The following ROBO2 variants were observed in gnomAD, a reference collection of about 807,000 sequenced individuals.
ROBO2 encodes roundabout guidance receptor 2.
ROBO2 carries 53 observed loss-of-function variants against 160.8 expected under a neutral mutation model. The observed-to-expected ratio is 0.33, with a 90% CI of 0.26 to 0.41. ROBO2 has a LOEUF of 0.41. Ranked by LOEUF, ROBO2 falls within the 10% of genes least tolerant of loss-of-function variation. The probability of loss-of-function intolerance (pLI) is 1.00; values close to 1 mark genes in which losing one functional copy is unlikely to be tolerated. For synonymous variants in ROBO2, 664 were observed against 611.7 expected (o/e 1.09, Z -1.26); for missense variants, 1,577 against 1,722.4 (o/e 0.92, Z 1.49).
At chr3:76,935,619 T>C (rs1352007380) in intron 2 of ROBO2, among the ~76,000 whole-genome samples, 7 of 152,274 alleles carry the variant, frequency 4.6e-5, no homozygotes, top group Non-Finnish European at 8.8e-5. Context: ...TTCTAGAGGC[T>C]GAGAAGTCCA....
intron 2 of ROBO2, among the ~76,000 whole-genome samples, chr3:76,157,856 G>C (rs1465802071): frequency 6.6e-6 from 1 of 151,982 alleles, no homozygotes; most frequent in Non-Finnish European, 1.5e-5. Context: ...CTCTCAAAAG[G>C]CATTTCACTG....
intron 1 of ROBO2, among the ~76,000 whole-genome samples, chr3:75,934,374 G>C (rs1180175607): frequency 6.6e-6 from 1 of 152,164 alleles, no homozygotes; most frequent in Admixed American, 6.5e-5. Flanking sequence ...TCATATGCAC[G>C]AAAAGGGTGT....
chr3:77,446,994 A>T (rs2080596510), intron 2 of ROBO2, among the ~76,000 whole-genome samples: 1 of 152,132 alleles, frequency 6.6e-6, no homozygotes, highest in South Asian at 2.1e-4. Flanking sequence ...AGTTTGGGGA[A>T]ATGAGAAAAT....
intron 2 of ROBO2, among the ~76,000 whole-genome samples, chr3:76,450,454 G>T (rs895249673): frequency 4.6e-5 from 7 of 151,744 alleles, no homozygotes; most frequent in African/African-American, 1.7e-4. Context: ...TTTAAATCTG[G>T]CAGAAAAAAA....
At chr3:76,023,361 T>C (rs1359780865) in intron 2 of ROBO2, among the ~76,000 whole-genome samples, 1 of 151,684 alleles carries the variant, frequency 6.6e-6, no homozygotes, top group East Asian at 1.9e-4. Flanking sequence ...CTTCATTAAG[T>C]TTAATCATTT....
chr3:76,231,166 C>T (rs146981261), intron 2 of ROBO2, among the ~76,000 whole-genome samples: 3 of 152,296 alleles, frequency 2.0e-5, no homozygotes, highest in East Asian at 1.9e-4. Flanking sequence ...GATGTTAATA[C>T]ACACCCATGC....
intron 2 of ROBO2, among the ~76,000 whole-genome samples, chr3:77,344,320 G>T (rs1466897301): frequency 6.6e-6 from 1 of 152,146 alleles, no homozygotes; most frequent in East Asian, 1.9e-4. Flanking sequence ...AAGAGGAAAA[G>T]TGGGAGGATG....
At chr3:76,207,515 A>G (rs1477973929) in intron 2 of ROBO2, among the ~76,000 whole-genome samples, 1 of 152,190 alleles carries the variant, frequency 6.6e-6, no homozygotes, top group Non-Finnish European at 1.5e-5. Flanking sequence ...TTCAATTAAT[A>G]TATTTAAAAA....
At chr3:77,534,287 G>A (rs1265463950) in intron 6 of ROBO2, among the ~76,000 whole-genome samples, 1 of 151,502 alleles carries the variant, frequency 6.6e-6, no homozygotes, top group Non-Finnish European at 1.5e-5. Context: ...CATTATTTTT[G>A]GAGCCTATTC....
chr3:76,039,420 G>A (rs1412871451), intron 2 of ROBO2, among the ~76,000 whole-genome samples: 1 of 151,938 alleles, frequency 6.6e-6, no homozygotes, highest in Non-Finnish European at 1.5e-5. Flanking sequence ...TATTCTACTT[G>A]TTTTCTTGTT....
In ROBO2 at chr3:76,069,157, G is replaced by A. The variant is rs1489095; in HGVS notation, c.109+131555G>A. On this transcript the variant is annotated intron_variant, in intron 2 of 26. Coordinates refer to the ROBO2 transcript ENST00000487694. ...CTGTAGAACTCTGGAATTGTACATT[G>A]AGCCACCTAGTTGATATTACTTCTT... is the stretch of plus-strand genomic sequence containing the variant. Among the ~76,000 whole-genome samples, 1,484 of 152,196 alleles carry A rather than the reference G, an allele frequency of 9.8e-3. 29 individuals carry two copies. Among genetic ancestry groups the A allele is most frequent in the African/African-American group, 0.034 (1,427 of 41,506 alleles).
chr3:76,375,120 TAA>T (rs1466881957), intron 2 of ROBO2, among the ~76,000 whole-genome samples: 1 of 151,934 alleles, frequency 6.6e-6, no homozygotes, highest in East Asian at 1.9e-4. Flanking sequence ...AAATTCTCTA[TAA>T]AGGAGTTTTC....
chr3:76,353,041 C>T (rs994435469), intron 2 of ROBO2, among the ~76,000 whole-genome samples: 13 of 151,900 alleles, frequency 8.6e-5, no homozygotes, highest in Admixed American at 5.3e-4. Context: ...TAGCAGTCAC[C>T]GTCAGCATAG....
intron 2 of ROBO2, among the ~76,000 whole-genome samples, chr3:77,380,819 T>G (rs1366582783): frequency 1.3e-5 from 2 of 152,162 alleles, no homozygotes; most frequent in Non-Finnish European, 1.5e-5. Flanking sequence ...TCTCCGCTGA[T>G]TAGCGCTGTC....
intron 2 of ROBO2, among the ~76,000 whole-genome samples, chr3:77,271,956 A>T (rs1034068649): frequency 6.6e-6 from 1 of 152,218 alleles, no homozygotes; most frequent in Non-Finnish European, 1.5e-5. Flanking sequence ...TGCCTGCTGC[A>T]TGAATACACT....
chr3:76,889,559 G>GT (rs1309047953), intron 2 of ROBO2, among the ~76,000 whole-genome samples: 1 of 152,100 alleles, frequency 6.6e-6, no homozygotes, highest in Non-Finnish European at 1.5e-5. Flanking sequence ...CCATTTCATA[G>GT]TGATAACATT....
At chr3:76,517,014 T>C (rs1029909425) in intron 2 of ROBO2, among the ~76,000 whole-genome samples, 1 of 152,208 alleles carries the variant, frequency 6.6e-6, no homozygotes, top group Non-Finnish European at 1.5e-5. Flanking sequence ...TTAAGTAATA[T>C]TATGTGTTTA....
chr3:76,567,024 A>T (rs1176664964), intron 2 of ROBO2, among the ~76,000 whole-genome samples: 1 of 152,222 alleles, frequency 6.6e-6, no homozygotes, highest in African/African-American at 2.4e-5. Flanking sequence ...AGTCTAAATC[A>T]GCTACCTTTA....
At chr3:77,291,627 T>C (rs28617217) in intron 2 of ROBO2, among the ~76,000 whole-genome samples, 31,757 of 138,232 alleles carry the variant, frequency 0.23, 67 homozygotes, top group Middle Eastern at 0.33. Flanking sequence ...GACGGTTAAA[T>C]GGGTAAGCTG....
Sources: gnomAD v4.1 joint callset for allele counts (sites outside exome capture counted in the v4.1 genomes callset) on GRCh38, gnomAD v4.1.1 for gene constraint, MANE v1.5 for transcripts, NCBI Gene and HGNC (gene_info 2026-07-23, HGNC 2026-07-21) for gene names.